The following PRUNE2 variants were observed in gnomAD, a reference collection of about 807,000 sequenced individuals.
PRUNE2 encodes the protein protein prune homolog 2.
Under a neutral mutation model 252.0 loss-of-function variants are expected in PRUNE2, and 164 were observed. The observed-to-expected ratio is 0.65, with a 90% CI of 0.57 to 0.74. The LOEUF (loss-of-function observed/expected upper bound fraction) is 0.74. PRUNE2 is among the 30% of genes least tolerant of loss of function. The probability of loss-of-function intolerance (pLI) is 0.00; values close to 1 mark genes in which losing one functional copy is unlikely to be tolerated. For missense variants in PRUNE2, 3,495 were observed against 3,711.0 expected (o/e 0.94, Z 1.51); for synonymous variants, 1,292 against 1,350.2 (o/e 0.96, Z 0.94).
intron 16 of PRUNE2, 65 bp from the exon 17 acceptor site, chr9:76,624,555 G>C: frequency 8.4e-7 from 1 of 1,197,224 alleles, no homozygotes; most frequent in Non-Finnish European, 1.1e-6. Context: ...GCATGAGACA[G>C]TCACTCAGCA....
rs1250503765 is a variant in PRUNE2, at chr9:76,612,390, AC to A, written c.*2179del. 2.2e-4 allele frequency: 34 copies of A among 152,312 alleles called. No homozygotes were observed. The highest frequency in any genetic ancestry group is 8.2e-4 in the African/African-American group (34 of 41,574). The allele number at this position is 152,312 out of a possible 1,614,324, so 9.4% of individuals were successfully genotyped here. On this transcript the variant is annotated 3_prime_UTR_variant, in exon 19 of 19. Coordinates refer to ENST00000376718, the MANE Select transcript of PRUNE2 (RefSeq NM_015225.3). The stretch of plus-strand genomic sequence containing the variant: ...AGCTCTATGCCCTCAGGTTTGCACC[AC>A]TACACTGAACACTGGATTTTTCATT...
chr9:76,715,370 G>A (rs2047060313), intron 6 of PRUNE2, among the ~76,000 whole-genome samples: 1 of 152,182 alleles, frequency 6.6e-6, no homozygotes, highest in Admixed American at 6.5e-5. Context: ...GGGTAGGTAG[G>A]CAGGCAGGCC....
At chr9:76,783,656 T>C (rs2054662329) in intron 6 of PRUNE2, 1 of 152,206 alleles carries the variant, frequency 6.6e-6, no homozygotes, top group Non-Finnish European at 1.5e-5. Context: ...GTTCAGGGTA[T>C]GCTGACACCT....
At position 76,707,095 on chromosome 9, in the gene PRUNE2, A is replaced by G. The variant is rs2046366033; in HGVS notation, c.5179T>C (p.Leu1727=). ...TCAGACTTAGGATCAGCTGTGACCA[A>G]GAACTTATTAGATTCATTCAATGAA... The part of the protein sequence containing the change: ...WDSLNESNKF[L]VTADPKSENI... The change falls in exon 8 of 19, where the codon TTG becomes CTG. Residue 1727 remains leucine (L), a synonymous_variant. Coordinates refer to ENST00000376718, the MANE Select transcript of PRUNE2 (RefSeq NM_015225.3). 2 of 1,613,882 alleles carry G rather than the reference A, an allele frequency of 1.2e-6. No individual in the cohort carries two copies. The highest frequency in any genetic ancestry group is 1.7e-6 in the Non-Finnish European group (2 of 1,179,898).
intron 6 of PRUNE2, among the ~76,000 whole-genome samples, chr9:76,756,314 G>A (rs930274663): frequency 2.6e-5 from 4 of 152,268 alleles, no homozygotes; most frequent in Middle Eastern, 3.4e-3. Context: ...GCATGAAAAC[G>A]TCTCTGTATA....
At chr9:76,793,460 A>G (rs894742963) in intron 6 of PRUNE2, among the ~76,000 whole-genome samples, 1 of 152,218 alleles carries the variant, frequency 6.6e-6, no homozygotes. Context: ...GCTAAGGTCC[A>G]TTATGGCTAT....
intron 9 of PRUNE2, among the ~76,000 whole-genome samples, chr9:76,666,215 G>A (rs1441332097): frequency 8.5e-5 from 13 of 152,118 alleles, no homozygotes; most frequent in Admixed American, 5.9e-4. Flanking sequence ...GTGGTCTAGC[G>A]GTAGTGTCAG....
At chr9:76,880,392 T>G (rs1322709831) in intron 1 of PRUNE2, among the ~76,000 whole-genome samples, 1 of 152,212 alleles carries the variant, frequency 6.6e-6, no homozygotes. Flanking sequence ...TAGAAGACAC[T>G]ATTTGCCTTT....
intron 10 of PRUNE2, among the ~76,000 whole-genome samples, chr9:76,653,527 A>AAT: frequency 6.6e-6 from 1 of 152,066 alleles, no homozygotes; most frequent in Admixed American, 6.6e-5. Context: ...TTTTTCTTTG[A>AAT]ATATTTTTCT....
At chr9:76,770,563 G>A (rs1207603032) in intron 6 of PRUNE2, among the ~76,000 whole-genome samples, 1 of 151,988 alleles carries the variant, frequency 6.6e-6, no homozygotes, top group African/African-American at 2.4e-5. Flanking sequence ...AAATATTATG[G>A]TAAAATTAAA....
chr9:76,776,178 T>C (rs1177757524), intron 6 of PRUNE2, among the ~76,000 whole-genome samples: 2 of 152,210 alleles, frequency 1.3e-5, no homozygotes, highest in Non-Finnish European at 1.5e-5. Context: ...ACAAGTGCAG[T>C]TTTGTTACAT....
intron 15 of PRUNE2, among the ~76,000 whole-genome samples, 181 bp downstream of exon 15, chr9:76,636,290 G>A (rs1840024796): frequency 6.6e-6 from 1 of 152,172 alleles, no homozygotes; most frequent in African/African-American, 2.4e-5. Context: ...CATCATGACA[G>A]CATTTTCTCT....
chr9:76,687,589 C>T (rs528251942), intron 9 of PRUNE2: 7 of 375,964 alleles, frequency 1.9e-5, no homozygotes, highest in Admixed American at 1.5e-4. Context: ...AGCAGACTGC[C>T]ACAAGCTTTG....
Position 76,707,586 on chromosome 9 carries a change from T to C in PRUNE2, c.4688A>G (p.Gln1563Arg). The C allele has an allele frequency of 1.2e-6, 2 of 1,613,940 alleles. No individual in the cohort carries two copies. Among genetic ancestry groups the C allele is most frequent in the Non-Finnish European group, 1.7e-6 (2 of 1,179,882 alleles). ...SSVALSSWGQ[Q>R]PSSGYQEENQ... ...TTCTTCTTGATACCCAGAACTGGGTTGCTGGCCCCAGGAGGACAGTGCAAC... is the reference window on the plus strand; with the variant it reads ...TTCTTCTTGATACCCAGAACTGGGTCGCTGGCCCCAGGAGGACAGTGCAAC... Residue 1563 changes from glutamine to arginine, a missense_variant, in exon 8 of 19, where the codon CAA (glutamine) becomes CGA (arginine). Gln to Arg is a conservative substitution (Grantham distance 43, BLOSUM62 1). Transcript: ENST00000376718.
At chr9:76,880,948 C>T (rs2061739477) in intron 1 of PRUNE2, among the ~76,000 whole-genome samples, 1 of 150,488 alleles carries the variant, frequency 6.6e-6, no homozygotes, top group African/African-American at 2.5e-5. Flanking sequence ...AGCTCTGGGA[C>T]ATCCTTGTTA....
intron 1 of PRUNE2, among the ~76,000 whole-genome samples, chr9:76,880,394 T>C (rs2061708824): frequency 6.6e-6 from 1 of 152,192 alleles, no homozygotes; most frequent in African/African-American, 2.4e-5. Context: ...GAAGACACTA[T>C]TTGCCTTTTT....
At chr9:76,713,508 G>T in intron 7 of PRUNE2, 55 bp downstream of exon 7, 1 of 1,482,270 alleles carries the variant, frequency 6.7e-7, no homozygotes, top group Non-Finnish European at 9.1e-7. Context: ...TGTGTGTTCT[G>T]AGAGCCAGCA....
chr9:76,671,305 G>A (rs1360283856), intron 9 of PRUNE2, among the ~76,000 whole-genome samples: 27 of 148,758 alleles, frequency 1.8e-4, no homozygotes, highest in Middle Eastern at 3.4e-3. Flanking sequence ...GGGTATCAGC[G>A]ATGGAAGATG....
At chr9:76,744,214 T>C (rs1018895898) in intron 6 of PRUNE2, among the ~76,000 whole-genome samples, 1 of 152,248 alleles carries the variant, frequency 6.6e-6, no homozygotes, top group African/African-American at 2.4e-5. Flanking sequence ...TAATCATTTA[T>C]TCTGTTGGCA....
Sources: gnomAD v4.1 joint callset for allele counts (sites outside exome capture counted in the v4.1 genomes callset) on GRCh38, gnomAD v4.1.1 for gene constraint, MANE v1.5 for transcripts, NCBI Gene and HGNC (gene_info 2026-07-23, HGNC 2026-07-21) for gene names.